The following RRM2 variants were observed in gnomAD, a reference collection of about 807,000 sequenced individuals.
RRM2 encodes the protein ribonucleoside-diphosphate reductase subunit M2.
A neutral mutation model predicts 45.9 loss-of-function variants in RRM2; 6 were observed. That is an observed-to-expected ratio of 0.13 (90% CI 0.07 to 0.26). The LOEUF (loss-of-function observed/expected upper bound fraction) is 0.26. Among genes scored for constraint, RRM2 ranks in the 10% least tolerant of loss-of-function variants. RRM2 has a pLI of 1.00. For synonymous variants in RRM2, 177 were observed against 173.0 expected, an observed-to-expected ratio of 1.02 and a Z score of -0.18; for missense variants, 343 against 489.5, an observed-to-expected ratio of 0.70 and a Z score of 2.82.
At chr2:10,173,837 C>T (rs570031212) in intron 3 of RRM2, among the ~76,000 whole-genome samples, 10 of 152,302 alleles carry the variant, frequency 6.6e-5, no homozygotes, top group East Asian at 1.9e-4. Context: ...TGGCCTGGCG[C>T]GGGCTGATTA....
chr2:10,149,232 G>A (rs562220039), intron 3 of RRM2, among the ~76,000 whole-genome samples: 13 of 151,808 alleles, frequency 8.6e-5, no homozygotes, highest in South Asian at 2.1e-4. Flanking sequence ...GGGATCAAGC[G>A]ATTCTCCTAC....
intron 1 of RRM2, chr2:10,141,821 A>C: frequency 6.4e-7 from 1 of 1,551,544 alleles, no homozygotes; most frequent in Admixed American, 2.0e-5. Context: ...TCCAGCATGC[A>C]GTCACTGAGC....
At chr2:10,123,255 G>C in intron 2 of RRM2, 132 bp from the exon 3 acceptor site, 2 of 1,315,520 alleles carry the variant, frequency 1.5e-6, no homozygotes, top group Non-Finnish European at 2.0e-6. Context: ...GACCCACGGA[G>C]TGCGACGGGA....
chr2:10,132,821 T>C (rs2125309432), downstream of RRM2, among the ~76,000 whole-genome samples: 1 of 152,344 alleles, frequency 6.6e-6, no homozygotes, highest in Non-Finnish European at 1.5e-5. Flanking sequence ...GACCAACTAC[T>C]AGGACAGCCT....
chr2:10,171,244 C>T lies in RRM2; in HGVS notation n.482+28869C>T, dbSNP rs1663801004. Among the ~76,000 whole-genome samples, 1 of 152,242 alleles carries T rather than the reference C, an allele frequency of 6.6e-6. No homozygotes were observed. The highest frequency in any genetic ancestry group is 1.5e-5 in the Non-Finnish European group (1 of 68,030). ...CCTCACTGGTGAACAGTCAGCTCTG[C>T]CCCCTGGGCTGTCAGGAGGATTAAA... is the stretch of plus-strand genomic sequence containing the variant. On this transcript the variant is annotated intron_variant and non_coding_transcript_variant, in intron 3 of 3. Coordinates refer to the RRM2 transcript ENST00000381786. This position sits in a 1 kb window ranked among gnomAD's most constrained non-coding sequence, Gnocchi z 4.1.
chr2:10,163,148 A>G (rs530476936), intron 3 of RRM2, among the ~76,000 whole-genome samples: 1 of 152,328 alleles, frequency 6.6e-6, no homozygotes, highest in South Asian at 2.1e-4. Flanking sequence ...GGAGTGTGAA[A>G]GTCAAGCTGA....
rs993604560 is a variant in RRM2, at chr2:10,127,577, T to G, written c.798+357T>G. Among the ~76,000 whole-genome samples the G allele has an allele frequency of 6.6e-6, 1 of 152,028 alleles. No homozygotes were observed. Among genetic ancestry groups the G allele is most frequent in the Non-Finnish European group, 1.5e-5 (1 of 67,976 alleles). Reference sequence around the variant, plus strand: ...GCAACCTCTGCCTCCTAGGTTCAAGTGATTCTCCCGCCTCAGCCTCCCAAG... The same window carrying G: ...GCAACCTCTGCCTCCTAGGTTCAAGGGATTCTCCCGCCTCAGCCTCCCAAG... On this transcript the variant is annotated intron_variant, in intron 7 of 9. Transcript: ENST00000304567. The surrounding 1 kb of genome is among the most constrained non-coding windows in gnomAD (Gnocchi z 4.1).
chr2:10,146,357 G>A (rs1663185810), intron 3 of RRM2, among the ~76,000 whole-genome samples: 1 of 152,238 alleles, frequency 6.6e-6, no homozygotes, highest in South Asian at 2.1e-4. Flanking sequence ...TTCAATCAGA[G>A]TGTATGGAGA....
intron 3 of RRM2, among the ~76,000 whole-genome samples, chr2:10,161,045 C>T (rs1663546009): frequency 6.6e-6 from 1 of 152,236 alleles, no homozygotes; most frequent in Admixed American, 6.5e-5. Flanking sequence ...CTGAGCTCCA[C>T]CCTGTCCCAG....
intron 3 of RRM2, among the ~76,000 whole-genome samples, chr2:10,178,443 G>A (rs1247583604): frequency 3.3e-5 from 5 of 150,856 alleles, no homozygotes; most frequent in South Asian, 2.1e-4. Flanking sequence ...GACTGGTCTC[G>A]AACTCCTGAC....
downstream of RRM2, among the ~76,000 whole-genome samples, chr2:10,133,200 C>T (rs1170205121): frequency 6.6e-6 from 1 of 152,268 alleles, no homozygotes; most frequent in Non-Finnish European, 1.5e-5. Flanking sequence ...GGGGAAAAGG[C>T]AGCCCTGCTG....
rs2125308637 is a variant in RRM2, at chr2:10,130,542, A to G, written c.*1156A>G. 1 of 152,110 alleles carries G rather than the reference A, an allele frequency of 6.6e-6. No homozygotes were observed. The highest frequency in any genetic ancestry group is 2.4e-5 in the African/African-American group (1 of 41,490). 9.4% of individuals were successfully genotyped at this position (152,110 alleles called of 1,614,324 possible). A position where few individuals can be genotyped will look rare whatever the true frequency, so the allele number is the denominator to read the frequency against. On this transcript the variant is annotated 3_prime_UTR_variant, in exon 10 of 10. Coordinates refer to ENST00000304567, the MANE Select transcript of RRM2 (RefSeq NM_001034.4). The stretch of plus-strand genomic sequence containing the variant: ...ATTCTGGCATTGTCTAAATCTGAGC[A>G]TTGTCTAGGGGGATCTTAAACTTTA...
At chr2:10,146,261 C>G (rs1663184078) in intron 3 of RRM2, 1 of 152,286 alleles carries the variant, frequency 6.6e-6, no homozygotes, top group Non-Finnish European at 1.5e-5. Flanking sequence ...AGAGCCCCCT[C>G]TCTTTTCCAT....
At position 10,123,753 on chromosome 2, in the gene RRM2, C is replaced by T. The variant is rs539909033; in HGVS notation, c.336C>T (p.Asp112=). ...AACCTCAGGTGGACCTCTCCAAGGACATTCAGCACTGGGAATCCCTGAAAC... is the reference window on the plus strand; with the variant it reads ...AACCTCAGGTGGACCTCTCCAAGGATATTCAGCACTGGGAATCCCTGAAAC... ...WTAEEVDLSK[D]IQHWESLKPE... Residue 112 remains aspartate, a synonymous_variant, in exon 4 of 10, where the codon GAC becomes GAT. Transcript: ENST00000304567. The T allele has an allele frequency of 6.2e-6, 10 of 1,606,484 alleles. No homozygotes were observed. The African/African-American group carries it at 9.4e-5, about 15-fold the overall frequency.
Position 10,169,804 on chromosome 2 carries a change from GC to G in RRM2, n.482+27434del, listed in dbSNP as rs1663760491. Among the ~76,000 whole-genome samples the G allele has an allele frequency of 6.6e-6, 1 of 152,202 alleles. No individual in the cohort carries two copies. Among genetic ancestry groups the G allele is most frequent in the South Asian group, 2.1e-4 (1 of 4,828 alleles). Reference sequence around the variant, plus strand: ...GAGGCTGAGGCCAGGGGGGATGGCAGCCCCCGGGGATCTGAGGAAGTCTGGG... The same window carrying G: ...GAGGCTGAGGCCAGGGGGGATGGCAGCCCCGGGGATCTGAGGAAGTCTGGG... On this transcript the variant is annotated intron_variant and non_coding_transcript_variant, in intron 3 of 3. Coordinates refer to the RRM2 transcript ENST00000381786. The surrounding 1 kb of genome is among the most constrained non-coding windows in gnomAD (Gnocchi z 5.1).
At chr2:10,162,544 T>C (rs1197763441) in intron 3 of RRM2, among the ~76,000 whole-genome samples, 1 of 152,182 alleles carries the variant, frequency 6.6e-6, no homozygotes, top group Non-Finnish European at 1.5e-5. Flanking sequence ...TCAACAGCGA[T>C]GCACCCGCTG....
intron 3 of RRM2, among the ~76,000 whole-genome samples, chr2:10,184,091 T>TTAA (rs1664114318): frequency 3.3e-5 from 1 of 30,682 alleles, no homozygotes; most frequent in Non-Finnish European, 5.4e-5. Context: ...AGACTCCATC[T>TTAA]AAAAAAAAAA....
downstream of RRM2, among the ~76,000 whole-genome samples, chr2:10,132,042 A>G (rs559113652): frequency 3.9e-5 from 6 of 152,286 alleles, no homozygotes; most frequent in Admixed American, 3.9e-4. Flanking sequence ...TGTGGACTCC[A>G]GCACAGGTTT....
chr2:10,160,159 C>T (rs2125318322), intron 3 of RRM2, among the ~76,000 whole-genome samples: 1 of 152,342 alleles, frequency 6.6e-6, no homozygotes, highest in Non-Finnish European at 1.5e-5. Context: ...CTCCCCTACG[C>T]CTTGCACATA....
Sources: gnomAD v4.1 joint callset for allele counts (sites outside exome capture counted in the v4.1 genomes callset) on GRCh38, gnomAD v4.1.1 for gene constraint, Gnocchi (gnomAD v3.1) non-coding constraint, MANE v1.5 for transcripts, NCBI Gene and HGNC (gene_info 2026-07-23, HGNC 2026-07-21) for gene names.